Variants in ESR1 observed in about 807,000 individuals in gnomAD.
ESR1 encodes the protein estrogen receptor 1.
Under a neutral mutation model 52.7 loss-of-function variants are expected in ESR1, and 12 were observed. The observed-to-expected ratio is 0.23, with a 90% CI of 0.15 to 0.37. The LOEUF (loss-of-function observed/expected upper bound fraction) is 0.37. Ranked by LOEUF, ESR1 falls within the 10% of genes least tolerant of loss-of-function variation. ESR1 has a pLI of 1.00. For missense variants in ESR1, 584 were observed against 779.7 expected (o/e 0.75, Z 2.99); for synonymous variants, 305 against 316.8 (o/e 0.96, Z 0.39).
chr6:151,984,520 A>C (rs1488150365), intron 4 of ESR1, among the ~76,000 whole-genome samples: 3 of 152,148 alleles, frequency 2.0e-5, no homozygotes, highest in African/African-American at 7.2e-5. Flanking sequence ...TTTTACACAC[A>C]ATGATTTTTC....
chr6:151,864,108 A>C (rs1001182727), intron 2 of ESR1, among the ~76,000 whole-genome samples: 2 of 152,212 alleles, frequency 1.3e-5, no homozygotes, highest in Admixed American at 1.3e-4. Context: ...GGGGTATCTG[A>C]AGACTGAAAA....
chr6:151,757,599 C>T (rs546727242), intron 2 of ESR1, among the ~76,000 whole-genome samples: 1 of 152,196 alleles, frequency 6.6e-6, no homozygotes, highest in Non-Finnish European at 1.5e-5. Flanking sequence ...AAAGAGTGAG[C>T]TCATGCATGT....
rs759425909 is a variant in ESR1, at chr6:152,094,339, C to T, written c.1370-46C>T. 1 of 1,566,414 alleles carries T rather than the reference C, an allele frequency of 6.4e-7. No homozygotes were observed. Among genetic ancestry groups the T allele is most frequent in the Non-Finnish European group, 8.8e-7 (1 of 1,136,762 alleles). ...TGAACACTCTGGGTCTCCTAGACCT[C>T]ATCCTCTTTGAGCTTCTCTCTCTCA... is the stretch of plus-strand genomic sequence containing the variant. On this transcript the variant is annotated intron_variant, in intron 6 of 7. Transcript: ENST00000206249. The surrounding 1 kb of genome is among the most constrained non-coding windows in gnomAD (Gnocchi z 4.6).
chr6:151,746,763 T>G (rs1197658932), intron 2 of ESR1, among the ~76,000 whole-genome samples: 1 of 152,102 alleles, frequency 6.6e-6, no homozygotes, highest in Non-Finnish European at 1.5e-5. Flanking sequence ...AGGTATGGAG[T>G]GGGTAGAATA....
In ESR1 at chr6:152,062,929, C is replaced by T. The variant is rs557794983; in HGVS notation, c.1369+1805C>T. Among the ~76,000 whole-genome samples, 4 of 152,252 alleles carry T rather than the reference C, an allele frequency of 2.6e-5. No homozygotes were observed. In the South Asian group the frequency reaches 8.3e-4, roughly 32 times the overall value. On this transcript the variant is annotated intron_variant, in intron 6 of 7. Coordinates refer to ENST00000206249, the MANE Select transcript of ESR1 (RefSeq NM_000125.4). The stretch of plus-strand genomic sequence containing the variant: ...CTGCATTATTGTTTTGTTTCTGTTC[C>T]TATGGCAGAGTGAGTTTTTAAAACT...
In ESR1 at chr6:151,988,811, A is replaced by T. The variant is rs565985331; in HGVS notation, c.1097-22845A>T. On this transcript the variant is annotated intron_variant, in intron 4 of 7. Transcript: ENST00000206249. ...TATGAGTATATATTTGTATATATAA[A>T]TATACTTGTATATGAAAAAAATATC... Among the ~76,000 whole-genome samples, 85 of 152,220 alleles carry T rather than the reference A, an allele frequency of 5.6e-4. 3 individuals carry two copies. Among genetic ancestry groups the T allele is most frequent in the African/African-American group, 2.0e-3 (81 of 41,472 alleles).
intron 2 of ESR1, among the ~76,000 whole-genome samples, chr6:151,864,063 G>A (rs1010862585): frequency 3.9e-5 from 6 of 152,152 alleles, no homozygotes; most frequent in African/African-American, 1.4e-4. Flanking sequence ...TGACAAATGG[G>A]ATCTAATTAA....
At position 151,973,028 on chromosome 6, in the gene ESR1, A is replaced by G. The variant is rs182625558; in HGVS notation, c.1096+28520A>G. On this transcript the variant is annotated intron_variant, in intron 4 of 7. Coordinates refer to ENST00000206249, the MANE Select transcript of ESR1 (RefSeq NM_000125.4). ...TCTGGCCATGCTGGCAGCTGATTAG[A>G]TGGTGCCCACCCAGATTGAGGGCGG... 3.3e-5 allele frequency among the ~76,000 whole-genome samples: 5 copies of G among 152,254 alleles called. No individual in the cohort carries two copies. In the East Asian group the frequency reaches 9.7e-4, roughly 29 times the overall value.
chr6:151,761,959 AC>A (rs1201582354), intron 2 of ESR1, among the ~76,000 whole-genome samples: 1 of 152,156 alleles, frequency 6.6e-6, no homozygotes, highest in Middle Eastern at 3.2e-3. Flanking sequence ...CTGGAGACAC[AC>A]CTTGAAATTC....
At chr6:151,812,802 T>C (rs948114532) in intron 1 of ESR1, among the ~76,000 whole-genome samples, 1 of 152,124 alleles carries the variant, frequency 6.6e-6, no homozygotes, top group Non-Finnish European at 1.5e-5. Context: ...TAGAACCATA[T>C]GCATACTCCA....
chr6:151,724,539 C>A (rs1004202197), intron 2 of ESR1, among the ~76,000 whole-genome samples: 5 of 151,998 alleles, frequency 3.3e-5, no homozygotes, highest in Admixed American at 2.0e-4. Flanking sequence ...TGCTTCTAAC[C>A]TGAACAATAG....
At chr6:152,127,868 C>T (rs1312156704) in exon 7 of ESR1, 2 of 152,204 alleles carry the variant, frequency 1.3e-5, no homozygotes, top group Non-Finnish European at 2.9e-5. Context: ...ATCTGATTAA[C>T]TTGAATACAT....
At chr6:152,029,405 C>T (rs554479877) in intron 5 of ESR1, among the ~76,000 whole-genome samples, 82 of 152,260 alleles carry the variant, frequency 5.4e-4, no homozygotes, top group Middle Eastern at 3.4e-3. Context: ...AAAGATTAGA[C>T]GAATGGCTAC....
rs766821246 is a variant in ESR1, at chr6:151,938,864, C to G, written c.761-5309C>G. Among the ~76,000 whole-genome samples the G allele has an allele frequency of 6.6e-4, 101 of 152,158 alleles. 1 individual carries two copies. Among genetic ancestry groups the G allele is most frequent in the Admixed American group, 5.1e-3 (78 of 15,272 alleles). On this transcript the variant is annotated intron_variant, in intron 3 of 7. Transcript: ENST00000206249. ...AAATTCAAACTGGTGGCATTGCACA[C>G]TTACAGTGGGCTTGCAGGATGAAAG...
intron 3 of ESR1, among the ~76,000 whole-genome samples, chr6:151,895,818 T>C (rs1795408911): frequency 6.6e-6 from 1 of 152,168 alleles, no homozygotes; most frequent in African/African-American, 2.4e-5. Context: ...GGATATTTTT[T>C]TGAGATGGAG....
intron 2 of ESR1, among the ~76,000 whole-genome samples, chr6:151,750,063 A>C (rs372482126): frequency 4.6e-5 from 7 of 152,222 alleles, no homozygotes; most frequent in Admixed American, 3.3e-4. Flanking sequence ...AGAGAATGAC[A>C]CTTAGATACA....
At chr6:151,972,542 A>G (rs976097523) in intron 4 of ESR1, among the ~76,000 whole-genome samples, 3 of 152,226 alleles carry the variant, frequency 2.0e-5, no homozygotes, top group Non-Finnish European at 4.4e-5. Flanking sequence ...ATAGAATTAA[A>G]AACAAAAATC....
At chr6:151,956,847 T>TAA (rs1291311614) in intron 4 of ESR1, among the ~76,000 whole-genome samples, 2 of 27,554 alleles carry the variant, frequency 7.3e-5, no homozygotes, top group African/African-American at 1.4e-4. Flanking sequence ...TAAATAAATA[T>TAA]ATATATATAT....
At chr6:151,835,442 A>G (rs17081771) in intron 1 of ESR1, among the ~76,000 whole-genome samples, 7,234 of 152,262 alleles carry the variant, frequency 0.048, 583 homozygotes, top group African/African-American at 0.16. Flanking sequence ...AGCCTGCTGG[A>G]GAAAGAAAAT....
Sources: gnomAD v4.1 joint callset for allele counts (sites outside exome capture counted in the v4.1 genomes callset) on GRCh38, gnomAD v4.1.1 for gene constraint, Gnocchi (gnomAD v3.1) non-coding constraint, MANE v1.5 for transcripts, NCBI Gene and HGNC (gene_info 2026-07-23, HGNC 2026-07-21) for gene names.